GFRAL: variants seen among roughly 807,000 people sequenced by gnomAD.
GFRAL encodes GDNF family receptor alpha like, also known as GDNF family receptor alpha-like.
Under a neutral mutation model 45.4 loss-of-function variants are expected in GFRAL, and 36 were observed. The ratio of observed to expected loss-of-function variants is 0.79; its 90% CI spans 0.61 to 1.05. The LOEUF is 1.05. GFRAL is among the 50% of genes least tolerant of loss of function. The probability of loss-of-function intolerance (pLI) is 0.00; values close to 1 mark genes in which losing one functional copy is unlikely to be tolerated. For missense variants in GFRAL, 507 were observed against 467.5 expected, an observed-to-expected ratio of 1.08 and a Z score of -0.78; for synonymous variants, 166 against 154.1, an observed-to-expected ratio of 1.08 and a Z score of -0.57.
intron 6 of GFRAL, among the ~76,000 whole-genome samples, chr6:55,382,169 A>G (rs1403266683): frequency 5.9e-5 from 9 of 151,878 alleles, no homozygotes; most frequent in Non-Finnish European, 1.3e-4. Context: ...TATTTTCTGG[A>G]TTAAAATGGT....
At chr6:55,367,640 G>A (rs572350041) in intron 6 of GFRAL, among the ~76,000 whole-genome samples, 2 of 151,008 alleles carry the variant, frequency 1.3e-5, no homozygotes, top group East Asian at 3.9e-4. Flanking sequence ...AGGCCTGGTG[G>A]TGACAAAATC....
At chr6:55,350,574 G>T (rs1190636768) in intron 4 of GFRAL, among the ~76,000 whole-genome samples, 1 of 151,942 alleles carries the variant, frequency 6.6e-6, no homozygotes, top group Non-Finnish European at 1.5e-5. Flanking sequence ...GTAGGCTTGT[G>T]TCTGTGATCC....
intron 6 of GFRAL, among the ~76,000 whole-genome samples, chr6:55,374,058 T>C (rs1278843164): frequency 6.6e-6 from 1 of 152,120 alleles, no homozygotes; most frequent in Non-Finnish European, 1.5e-5. Flanking sequence ...TTCCATCCAT[T>C]TTCCTGAAAA....
At chr6:55,383,321 G>A (rs1768636860) in intron 6 of GFRAL, among the ~76,000 whole-genome samples, 1 of 151,918 alleles carries the variant, frequency 6.6e-6, no homozygotes, top group South Asian at 2.1e-4. Flanking sequence ...AAGAAGACAT[G>A]AATTTACTAT....
intron 6 of GFRAL, among the ~76,000 whole-genome samples, chr6:55,373,186 A>G (rs62419119): frequency 0.089 from 13,465 of 152,146 alleles, 657 homozygotes; most frequent in South Asian, 0.13. Context: ...CCTCTCTGGC[A>G]GTGTGGATTT....
At chr6:55,370,720 C>T (rs865866146) in intron 6 of GFRAL, among the ~76,000 whole-genome samples, 6 of 152,258 alleles carry the variant, frequency 3.9e-5, no homozygotes, top group Middle Eastern at 6.8e-3. Context: ...GACAGTAGGA[C>T]CAGCTTCATG....
rs1208956057 is a variant in GFRAL, at chr6:55,395,797, A to G, written c.953-3383A>G. Among the ~76,000 whole-genome samples, 15 of 150,146 alleles carry G rather than the reference A, an allele frequency of 1.0e-4. No individual in the cohort carries two copies. The East Asian group carries it at 2.4e-3, about 24-fold the overall frequency. On this transcript the variant is annotated intron_variant, in intron 6 of 8. Transcript: ENST00000340465. ...AGGATTTTGGAAAAAAAAAAAAAAG[A>G]AAAAAGAAACAGTAATGCTCACCTC...
chr6:55,344,390 G>A (rs1240914060), intron 3 of GFRAL, among the ~76,000 whole-genome samples: 8 of 152,018 alleles, frequency 5.3e-5, no homozygotes, highest in East Asian at 1.9e-4. Context: ...CAAAGCATAC[G>A]CAAATCAATA....
chr6:55,351,812 A>G (rs1002155622), intron 5 of GFRAL, among the ~76,000 whole-genome samples: 2 of 152,170 alleles, frequency 1.3e-5, no homozygotes, highest in African/African-American at 4.8e-5. Flanking sequence ...ATGTCAAAAT[A>G]TGGTAGCCAT....
intron 4 of GFRAL, 103 bp downstream of exon 4, chr6:55,350,248 T>C (rs1768098558): frequency 1.4e-6 from 1 of 697,716 alleles, no homozygotes. Context: ...GAACAAATCA[T>C]GTGGTTTAAC....
At chr6:55,390,895 TACACACACACACACACAC>T (rs34769114) in intron 6 of GFRAL, among the ~76,000 whole-genome samples, 2 of 135,614 alleles carry the variant, frequency 1.5e-5, no homozygotes, top group Middle Eastern at 3.7e-3. Flanking sequence ...CTCACACACA[TACACACACACACACACAC>T]ACACACACAC....
intron 6 of GFRAL, among the ~76,000 whole-genome samples, chr6:55,380,393 T>C (rs1768592318): frequency 6.6e-6 from 1 of 151,980 alleles, no homozygotes; most frequent in Non-Finnish European, 1.5e-5. Context: ...AATTTTTGGT[T>C]CTCAAATCTG....
intron 6 of GFRAL, among the ~76,000 whole-genome samples, chr6:55,372,552 G>A (rs936947598): frequency 2.0e-5 from 3 of 152,158 alleles, no homozygotes; most frequent in African/African-American, 4.8e-5. Context: ...CTCTACCTCA[G>A]CATAGGACCT....
At chr6:55,376,031 C>T (rs188820771) in intron 6 of GFRAL, among the ~76,000 whole-genome samples, 1 of 152,162 alleles carries the variant, frequency 6.6e-6, no homozygotes. Context: ...AGGTATGTTC[C>T]TTCAATAACT....
chr6:55,369,339 G>C (rs1007255337), intron 6 of GFRAL, among the ~76,000 whole-genome samples: 1 of 152,178 alleles, frequency 6.6e-6, no homozygotes, highest in Non-Finnish European at 1.5e-5. Flanking sequence ...TGCGCCTACT[G>C]TCTGGCACTC....
Position 55,351,446 on chromosome 6 carries a change from T to C in GFRAL, c.564T>C (p.Phe188=), listed in dbSNP as rs1373465481. The change falls in exon 5 of 9, where the codon TTT becomes TTC. Residue 188 remains phenylalanine, a synonymous_variant. Transcript: ENST00000340465. ...TTAACATTGCCCAGATGTTGGCTTT[T>C]TGTGACTGTGCTCAATCTGATATAC... ...IPFNIAQMLA[F]CDCAQSDIPC... is the part of the protein sequence containing the mutation. 1 of 1,613,726 alleles carries C rather than the reference T, an allele frequency of 6.2e-7. No homozygotes were observed.
At position 55,358,978 on chromosome 6, in the gene GFRAL, A is replaced by G; in HGVS notation, c.792A>G (p.Lys264=). ...AGAATTGCATTAGCACCTTAAGCAA[A>G]CAGGACCTCACTTGTTCAGGAAGTG... ...EDENCISTLS[K]QDLTCSGSDD... is the part of the protein sequence containing the mutation. Residue 264 remains lysine (K), a synonymous_variant, in exon 6 of 9, where the codon AAA becomes AAG. Coordinates refer to ENST00000340465, the MANE Select transcript of GFRAL (RefSeq NM_207410.2). 6.2e-7 allele frequency: 1 copy of G among 1,613,170 alleles called. No homozygotes were observed. The highest frequency in any genetic ancestry group is 8.5e-7 in the Non-Finnish European group (1 of 1,179,404).
chr6:55,351,171 G>A, intron 4 of GFRAL, 82 bp from the exon 5 acceptor site: 1 of 970,208 alleles, frequency 1.0e-6, no homozygotes, highest in Non-Finnish European at 1.6e-6. Flanking sequence ...TTTGCTCATA[G>A]ACTTCTCACA....
chr6:55,348,829 CTGT>C (rs1768079596), intron 3 of GFRAL, among the ~76,000 whole-genome samples: 2 of 152,012 alleles, frequency 1.3e-5, no homozygotes, highest in South Asian at 4.2e-4. Flanking sequence ...GTGAGTGAAG[CTGT>C]TGTTTATTTA....
Sources: gnomAD v4.1 joint callset for allele counts (sites outside exome capture counted in the v4.1 genomes callset) on GRCh38, gnomAD v4.1.1 for gene constraint, MANE v1.5 for transcripts, NCBI Gene and HGNC (gene_info 2026-07-23, HGNC 2026-07-21) for gene names.